The following CTNNA2 variants were observed in gnomAD, a reference collection of about 807,000 sequenced individuals.
CTNNA2 encodes catenin alpha 2, also known as catenin alpha-2.
In CTNNA2, 42 loss-of-function variants were observed where a neutral mutation model predicts 101.0. The observed-to-expected ratio is 0.42, with a 90% CI of 0.32 to 0.54. CTNNA2 has a LOEUF of 0.54. CTNNA2 is among the 20% of genes least tolerant of loss of function. CTNNA2 has a pLI of 0.14. For missense variants in CTNNA2, 871 were observed against 1,223.1 expected (o/e 0.71, Z 4.29); for synonymous variants, 450 against 456.4 (o/e 0.99, Z 0.18).
intron 4 of CTNNA2, among the ~76,000 whole-genome samples, chr2:79,868,012 T>C (rs1433871108): frequency 2.0e-5 from 3 of 152,212 alleles, no homozygotes; most frequent in East Asian, 1.9e-4. Flanking sequence ...CGAGATTCTC[T>C]TTAAACTATA....
intron 1 of CTNNA2, among the ~76,000 whole-genome samples, chr2:79,541,212 A>G (rs911296946): frequency 2.0e-5 from 3 of 150,736 alleles, no homozygotes; most frequent in South Asian, 2.1e-4. Context: ...TTGTGTGTAT[A>G]TATATATATA....
chr2:80,335,591 G>A lies in CTNNA2; in HGVS notation c.1057-57620G>A, dbSNP rs146107308. ...TTTCCAGACCAATTGGTCTGGGAGAGGTTATTCCTGCCTACTGTATTTCTG... is the reference window on the plus strand; with the variant it reads ...TTTCCAGACCAATTGGTCTGGGAGAAGTTATTCCTGCCTACTGTATTTCTG... On this transcript the variant is annotated intron_variant, in intron 7 of 18. Transcript: ENST00000402739. Among the ~76,000 whole-genome samples, 800 of 152,228 alleles carry A rather than the reference G, an allele frequency of 5.3e-3. 11 individuals carry two copies. The highest frequency in any genetic ancestry group is 6.2e-3 in the Non-Finnish European group (420 of 68,034).
intron 7 of CTNNA2, among the ~76,000 whole-genome samples, chr2:80,295,225 A>ATT (rs11371104): frequency 8.8e-4 from 130 of 147,092 alleles, no homozygotes; most frequent in Middle Eastern, 7.3e-3. Flanking sequence ...TCCTGAACAA[A>ATT]TTTTTTTTTT....
At chr2:79,631,195 C>T (rs910783199) in intron 1 of CTNNA2, among the ~76,000 whole-genome samples, 4 of 152,118 alleles carry the variant, frequency 2.6e-5, no homozygotes, top group African/African-American at 4.8e-5. Flanking sequence ...TAATGTTGAA[C>T]GCCTTATGTG....
At chr2:80,162,743 T>G in intron 7 of CTNNA2, 1 of 1,608,266 alleles carries the variant, frequency 6.2e-7, no homozygotes, top group Non-Finnish European at 8.5e-7. Context: ...GTGAAAATCC[T>G]GATTGATCCA....
At chr2:79,292,332 T>C (rs1675843960) in intron 2 of CTNNA2, among the ~76,000 whole-genome samples, 1 of 152,208 alleles carries the variant, frequency 6.6e-6, no homozygotes, top group Non-Finnish European at 1.5e-5. Flanking sequence ...GAACATTTTC[T>C]ATGCTGAATG....
chr2:80,421,241 C>T (rs1043209090), intron 9 of CTNNA2, among the ~76,000 whole-genome samples: 1 of 151,986 alleles, frequency 6.6e-6, no homozygotes, highest in African/African-American at 2.4e-5. Context: ...ATATACCATC[C>T]CATCTGTATA....
At chr2:79,796,985 G>A (rs1675762216) in intron 3 of CTNNA2, among the ~76,000 whole-genome samples, 2 of 152,140 alleles carry the variant, frequency 1.3e-5, no homozygotes, top group Non-Finnish European at 2.9e-5. Flanking sequence ...TCCCTCCATA[G>A]AGGCACTTTT....
intron 7 of CTNNA2, among the ~76,000 whole-genome samples, chr2:79,967,993 C>A (rs1690196527): frequency 6.6e-6 from 1 of 152,004 alleles, no homozygotes; most frequent in Non-Finnish European, 1.5e-5. Context: ...ATAAAATATC[C>A]AGAATTGGCA....
intron 7 of CTNNA2, among the ~76,000 whole-genome samples, chr2:79,914,451 A>C (rs990101415): frequency 6.6e-6 from 1 of 152,238 alleles, no homozygotes; most frequent in African/African-American, 2.4e-5. Context: ...TTAAACTGTT[A>C]CTTCTTTATG....
intron 7 of CTNNA2, among the ~76,000 whole-genome samples, chr2:80,105,714 A>C (rs1700842718): frequency 6.6e-6 from 1 of 152,220 alleles, no homozygotes; most frequent in Middle Eastern, 3.4e-3. Flanking sequence ...ACCTTGGGCA[A>C]CAGAGGGAGA....
At chr2:80,562,101 T>C (rs747053517) in intron 12 of CTNNA2, among the ~76,000 whole-genome samples, 2 of 152,180 alleles carry the variant, frequency 1.3e-5, no homozygotes, top group Non-Finnish European at 2.9e-5. Flanking sequence ...AGAAGCTGTC[T>C]ATAAATCTCT....
At chr2:79,895,370 T>C (rs2104240927) in intron 6 of CTNNA2, among the ~76,000 whole-genome samples, 2 of 152,318 alleles carry the variant, frequency 1.3e-5, no homozygotes, top group Middle Eastern at 3.4e-3. Context: ...TGAACACATT[T>C]CCTTTTCATA....
intron 11 of CTNNA2, among the ~76,000 whole-genome samples, chr2:80,550,463 C>T (rs1692469284): frequency 6.6e-6 from 1 of 152,192 alleles, no homozygotes; most frequent in Non-Finnish European, 1.5e-5. Flanking sequence ...TTCTCTGTAG[C>T]ATGTGAGATG....
chr2:79,999,914 T>A (rs902409447), intron 7 of CTNNA2, among the ~76,000 whole-genome samples: 1 of 152,152 alleles, frequency 6.6e-6, no homozygotes, highest in Admixed American at 6.6e-5. Context: ...TCAGGAAATT[T>A]TAACTCAGCA....
At chr2:80,366,400 T>G (rs761219367) in intron 7 of CTNNA2, among the ~76,000 whole-genome samples, 2 of 152,148 alleles carry the variant, frequency 1.3e-5, no homozygotes, top group Non-Finnish European at 2.9e-5. Flanking sequence ...AAAGGTGCAC[T>G]GTGGTGGCAG....
At position 80,318,239 on chromosome 2, in the gene CTNNA2, TC is replaced by T. The variant is rs1448337012; in HGVS notation, c.1057-74970del. On this transcript the variant is annotated intron_variant, in intron 7 of 18. Transcript: ENST00000402739. ...CTCCCAGAAGTCCATATTAATCCCCTCCTTCTTTGAGATGTTACTTATCTAA... is the reference window on the plus strand; with the variant it reads ...CTCCCAGAAGTCCATATTAATCCCCTCTTCTTTGAGATGTTACTTATCTAA... 7.9e-5 allele frequency among the ~76,000 whole-genome samples: 12 copies of T among 152,320 alleles called. No homozygotes were observed. In the East Asian group the frequency reaches 2.3e-3, roughly 29 times the overall value.
intron 5 of CTNNA2, among the ~76,000 whole-genome samples, chr2:79,505,978 G>A (rs915167383): frequency 3.3e-5 from 5 of 152,146 alleles, no homozygotes; most frequent in Admixed American, 2.6e-4. Context: ...TTTGAATAAG[G>A]TTGAGTTTAA....
intron 2 of CTNNA2, among the ~76,000 whole-genome samples, chr2:79,280,623 C>CTCTGTGTG (rs1553390773): frequency 2.3e-5 from 3 of 129,094 alleles, no homozygotes; most frequent in African/African-American, 6.1e-5. Context: ...ATCCTGTATG[C>CTCTGTGTG]TGTGTGTGTG....
Sources: gnomAD v4.1 joint callset for allele counts (sites outside exome capture counted in the v4.1 genomes callset) on GRCh38, gnomAD v4.1.1 for gene constraint, MANE v1.5 for transcripts, NCBI Gene and HGNC (gene_info 2026-07-23, HGNC 2026-07-21) for gene names.